The following COP1 variants were observed in gnomAD, a reference collection of about 807,000 sequenced individuals.
COP1 encodes E3 ubiquitin-protein ligase COP1.
A neutral mutation model predicts 101.3 loss-of-function variants in COP1; 24 were observed. The ratio of observed to expected loss-of-function variants is 0.24; its 90% CI spans 0.17 to 0.33. The LOEUF (loss-of-function observed/expected upper bound fraction) is 0.33. Ranked by LOEUF, COP1 falls within the 10% of genes least tolerant of loss-of-function variation. The pLI, the probability that COP1 is intolerant of heterozygous loss-of-function variation, is 1.00. For synonymous variants in COP1, 347 were observed against 341.9 expected (o/e 1.01, Z -0.17); for missense variants, 663 against 906.2 (o/e 0.73, Z 3.45).
intron 11 of COP1, among the ~76,000 whole-genome samples, chr1:176,075,382 T>C (rs1256209780): frequency 6.6e-6 from 1 of 152,218 alleles, no homozygotes; most frequent in Non-Finnish European, 1.5e-5. Flanking sequence ...CTTAGTCCTG[T>C]AAATGAAAAG....
intron 9 of COP1, among the ~76,000 whole-genome samples, chr1:176,089,299 T>TAACAATAACAAC (rs1553257670): frequency 6.6e-6 from 1 of 150,478 alleles, no homozygotes; most frequent in Non-Finnish European, 1.5e-5. Flanking sequence ...TCTAAAACAA[T>TAACAATAACAAC]AACAACAACA....
intron 15 of COP1, among the ~76,000 whole-genome samples, chr1:175,993,849 A>G (rs1441189747): frequency 1.3e-5 from 2 of 152,228 alleles, no homozygotes; most frequent in Non-Finnish European, 2.9e-5. Context: ...AACTTCCCCA[A>G]TCTAGCAAGG....
At chr1:176,011,590 T>C (rs924017502) in intron 15 of COP1, among the ~76,000 whole-genome samples, 2 of 152,236 alleles carry the variant, frequency 1.3e-5, no homozygotes, top group African/African-American at 4.8e-5. Flanking sequence ...TTCTAGACAA[T>C]GTGAGATTCA....
chr1:176,175,465 G>C (rs1233757368), intron 3 of COP1, among the ~76,000 whole-genome samples: 1 of 152,180 alleles, frequency 6.6e-6, no homozygotes, highest in African/African-American at 2.4e-5. Flanking sequence ...TCAGGCATCA[G>C]ATTCTCATAA....
At chr1:176,127,601 A>ATG (rs71129556) in intron 8 of COP1, among the ~76,000 whole-genome samples, 24 of 148,744 alleles carry the variant, frequency 1.6e-4, no homozygotes, top group African/African-American at 5.8e-4. Context: ...ATGTGTATAT[A>ATG]TGTGTGTGTG....
rs571158909 is a variant in COP1, at chr1:176,001,293, T to C, written c.1730-11814A>G. Among the ~76,000 whole-genome samples the C allele has an allele frequency of 2.6e-5, 4 of 152,268 alleles. No homozygotes were observed. In the South Asian group the frequency reaches 8.3e-4, roughly 32 times the overall value. On this transcript the variant is annotated intron_variant, in intron 15 of 19. Transcript: ENST00000367669. ...AAAACCTGGATTCATCGAATGAACC[T>C]CTAGGCATCAAGTATTTGAGTACGA...
chr1:176,197,931 T>TA (rs987599257), intron 1 of COP1, among the ~76,000 whole-genome samples: 1 of 152,020 alleles, frequency 6.6e-6, no homozygotes, highest in African/African-American at 2.4e-5. Context: ...ATAAAATACT[T>TA]AGGGGTAAAT....
At chr1:176,133,543 A>T (rs1462741002) in intron 8 of COP1, among the ~76,000 whole-genome samples, 1 of 151,812 alleles carries the variant, frequency 6.6e-6, no homozygotes, top group African/African-American at 2.4e-5. Context: ...CCCAACCTCC[A>T]TACACACATC....
intron 19 of COP1, 97 bp downstream of exon 19, chr1:175,947,098 T>G: frequency 1.2e-6 from 1 of 827,154 alleles, no homozygotes; most frequent in Non-Finnish European, 2.1e-6. Context: ...TGATTTGGGA[T>G]GATCTCTAAG....
intron 6 of COP1, among the ~76,000 whole-genome samples, chr1:176,141,911 G>C (rs12033997): frequency 0.39 from 58,668 of 151,368 alleles, 11,665 homozygotes; most frequent in Admixed American, 0.44. Flanking sequence ...TTTTTTAATT[G>C]TTTGTAGAGA....
chr1:176,074,182 C>T (rs1299191864), intron 11 of COP1, among the ~76,000 whole-genome samples: 1 of 152,140 alleles, frequency 6.6e-6, no homozygotes, highest in Non-Finnish European at 1.5e-5. Context: ...CTGCCTCGGC[C>T]CCGCAAAGTG....
At chr1:175,992,103 T>C (rs1336830483) in intron 15 of COP1, among the ~76,000 whole-genome samples, 2 of 152,214 alleles carry the variant, frequency 1.3e-5, no homozygotes, top group African/African-American at 2.4e-5. Context: ...AGTATTATAG[T>C]TGGTATATAC....
At chr1:176,153,073 A>C (rs551951211) in intron 5 of COP1, among the ~76,000 whole-genome samples, 1 of 152,160 alleles carries the variant, frequency 6.6e-6, no homozygotes, top group Non-Finnish European at 1.5e-5. Flanking sequence ...TTGATTCCCT[A>C]ATTCTCCACC....
At chr1:175,989,223 A>T (rs1160426141) in intron 16 of COP1, 139 bp downstream of exon 16, 4 of 368,136 alleles carry the variant, frequency 1.1e-5, no homozygotes, top group South Asian at 6.3e-5. Flanking sequence ...GGACAAGATT[A>T]AAAAAAAAAT....
At chr1:176,162,239 A>G (rs780147403) in intron 5 of COP1, among the ~76,000 whole-genome samples, 2 of 152,198 alleles carry the variant, frequency 1.3e-5, no homozygotes. Context: ...TACTGTCTCA[A>G]TAAATACTCC....
intron 11 of COP1, among the ~76,000 whole-genome samples, chr1:176,076,821 C>T (rs1004887539): frequency 6.6e-6 from 1 of 152,026 alleles, no homozygotes; most frequent in Admixed American, 6.6e-5. Flanking sequence ...ACAAAAGATT[C>T]TCAGAGATTA....
chr1:176,133,037 A>G (rs1186911533), intron 8 of COP1, among the ~76,000 whole-genome samples: 3 of 88,516 alleles, frequency 3.4e-5, no homozygotes, highest in Non-Finnish European at 4.5e-5. Context: ...ATGTACGTAT[A>G]TATACTATAT....
intron 18 of COP1, among the ~76,000 whole-genome samples, chr1:175,954,122 G>A (rs1650308520): frequency 6.6e-6 from 1 of 151,988 alleles, no homozygotes; most frequent in African/African-American, 2.4e-5. Flanking sequence ...AACTAAAGTA[G>A]AAAAGAATAA....
chr1:176,007,906 A>G lies in COP1; in HGVS notation c.1730-18427T>C, dbSNP rs550945532. ...GCTTCCTGGCTGCTTTGTTTACCTA[A>G]GCAAGCCTGGGTAATGGCGGGCGCC... On this transcript the variant is annotated intron_variant, in intron 15 of 19. Coordinates refer to ENST00000367669, the MANE Select transcript of COP1 (RefSeq NM_022457.7). Among the ~76,000 whole-genome samples the G allele has an allele frequency of 2.2e-3, 340 of 152,300 alleles. 4 individuals carry two copies. Among genetic ancestry groups the G allele is most frequent in the African/African-American group, 8.0e-3 (333 of 41,556 alleles).
Sources: allele counts gnomAD v4.1 joint callset (sites outside exome capture counted in the v4.1 genomes callset), GRCh38; gene constraint gnomAD v4.1.1; transcripts MANE v1.5; gene names NCBI Gene and HGNC (gene_info 2026-07-23, HGNC 2026-07-21).